The following NCAM1 variants were observed in gnomAD, a reference collection of about 807,000 sequenced individuals.
NCAM1 encodes the protein neural cell adhesion molecule 1.
Under a neutral mutation model 109.8 loss-of-function variants are expected in NCAM1, and 14 were observed. That is an observed-to-expected ratio of 0.13 (90% CI 0.08 to 0.20). NCAM1 has a LOEUF of 0.20. Ranked by LOEUF, NCAM1 falls within the 10% of genes least tolerant of loss-of-function variation. The pLI, the probability that NCAM1 is intolerant of heterozygous loss-of-function variation, is 1.00. For synonymous variants in NCAM1, 418 were observed against 442.9 expected (o/e 0.94, Z 0.70); for missense variants, 774 against 1,109.9 (o/e 0.70, Z 4.30).
chr11:112,967,487 G>A (rs1205268475), intron 1 of NCAM1, among the ~76,000 whole-genome samples: 1 of 152,160 alleles, frequency 6.6e-6, no homozygotes, highest in African/African-American at 2.4e-5. Context: ...CTTACTAGCT[G>A]TCTGATCTCA....
chr11:113,198,291 T>C (rs1555111213), intron 1 of NCAM1, among the ~76,000 whole-genome samples: 1 of 152,194 alleles, frequency 6.6e-6, no homozygotes, highest in East Asian at 1.9e-4. Context: ...AAATAGAGGC[T>C]ATAATGCTGT....
chr11:113,206,819 A>G (rs1821693), intron 5 of NCAM1, among the ~76,000 whole-genome samples: 75,234 of 152,064 alleles, frequency 0.49, 19,675 homozygotes, highest in East Asian at 0.73. Flanking sequence ...ACTCTTTGTT[A>G]TAGCTGATGC....
chr11:113,176,592 G>A (rs1267522297), intron 1 of NCAM1, among the ~76,000 whole-genome samples: 1 of 152,186 alleles, frequency 6.6e-6, no homozygotes, highest in African/African-American at 2.4e-5. Flanking sequence ...ACACCCACTA[G>A]CCTGGGAAGA....
chr11:113,203,872 TCAGTAGACTCAGAC>T (rs1166882572), intron 2 of NCAM1, among the ~76,000 whole-genome samples: 10 of 152,332 alleles, frequency 6.6e-5, no homozygotes, highest in African/African-American at 2.4e-4. Context: ...AACAAGCTGA[TCAGTAGACTCAGAC>T]CAGTTAGGCT....
At chr11:113,123,289 A>G (rs1034667523) in intron 1 of NCAM1, among the ~76,000 whole-genome samples, 1 of 152,232 alleles carries the variant, frequency 6.6e-6, no homozygotes, top group Non-Finnish European at 1.5e-5. Flanking sequence ...ATCATTACAT[A>G]TTGTATGTAT....
At position 113,163,971 on chromosome 11, in the gene NCAM1, C is replaced by T. The variant is rs543289179; in HGVS notation, c.53-38408C>T. On this transcript the variant is annotated intron_variant, in intron 1 of 19. Transcript: ENST00000316851. Reference sequence around the variant, plus strand: ...ACAACTGTAGGACCCTACCCACTGGCATGTTCCCAGATGGCCACTGAATGG... The same window carrying T: ...ACAACTGTAGGACCCTACCCACTGGTATGTTCCCAGATGGCCACTGAATGG... 2.0e-5 allele frequency among the ~76,000 whole-genome samples: 3 copies of T among 152,270 alleles called. No individual in the cohort carries two copies. In the East Asian group the frequency reaches 5.8e-4, roughly 29 times the overall value.
At chr11:113,243,668 G>T (rs961731429) in intron 14 of NCAM1, 2 of 504,646 alleles carry the variant, frequency 4.0e-6, no homozygotes, top group Admixed American at 2.0e-5. Flanking sequence ...ATGAGTATGC[G>T]TGCATGTTCA....
intron 15 of NCAM1, among the ~76,000 whole-genome samples, chr11:113,253,458 T>A (rs188209004): frequency 3.9e-4 from 59 of 152,204 alleles, no homozygotes; most frequent in South Asian, 2.7e-3. Flanking sequence ...CTGTTTCACA[T>A]GACAACAGAG....
chr11:113,210,074 G>A (rs1170116334), intron 7 of NCAM1, among the ~76,000 whole-genome samples: 2 of 152,170 alleles, frequency 1.3e-5, no homozygotes, highest in Non-Finnish European at 2.9e-5. Context: ...TTGAATAAAT[G>A]AAGGAACTGT....
intron 1 of NCAM1, among the ~76,000 whole-genome samples, chr11:113,158,189 T>G (rs1435238447): frequency 6.6e-6 from 1 of 152,204 alleles, no homozygotes; most frequent in East Asian, 1.9e-4. Context: ...TTGGTAGATA[T>G]GAGTTTCCAA....
intron 1 of NCAM1, among the ~76,000 whole-genome samples, chr11:113,056,022 TATAA>T (rs1223373116): frequency 1.9e-4 from 22 of 114,562 alleles, no homozygotes; most frequent in Non-Finnish European, 2.9e-4. Flanking sequence ...TATATATATA[TATAA>T]AATATATATA....
chr11:113,087,732 A>C (rs138686024), intron 1 of NCAM1, among the ~76,000 whole-genome samples: 2 of 152,282 alleles, frequency 1.3e-5, no homozygotes, highest in African/African-American at 4.8e-5. Context: ...AGTTCTCTCT[A>C]TTAGCATCAT....
intron 9 of NCAM1, among the ~76,000 whole-genome samples, chr11:113,226,646 C>T (rs181156224): frequency 6.0e-4 from 92 of 152,308 alleles, no homozygotes; most frequent in Admixed American, 1.8e-3. Context: ...AGCACCACAC[C>T]GCACTTGTTC....
rs144818038 is a variant in NCAM1, at chr11:113,091,261, T to C, written c.53-111118T>C. Among the ~76,000 whole-genome samples, 27 of 152,020 alleles carry C rather than the reference T, an allele frequency of 1.8e-4. No individual in the cohort carries two copies. In the East Asian group the frequency reaches 4.8e-3, roughly 27 times the overall value. On this transcript the variant is annotated intron_variant, in intron 1 of 19. Coordinates refer to ENST00000316851, the MANE Select transcript of NCAM1 (RefSeq NM_181351.5). ...GAAATCTGTTTACCCTAAAATATTT[T>C]TATCATACCCTGCTGCCTCCCAGCT...
intron 17 of NCAM1, chr11:113,269,889 T>A: frequency 2.2e-6 from 1 of 458,240 alleles, no homozygotes; most frequent in East Asian, 4.1e-5. Flanking sequence ...CATTATCCGG[T>A]GTTCTCAGAC....
chr11:113,126,783 CACAG>C (rs1244348927), intron 1 of NCAM1, among the ~76,000 whole-genome samples: 3 of 152,224 alleles, frequency 2.0e-5, no homozygotes, highest in Non-Finnish European at 4.4e-5. Flanking sequence ...TTGCCCACAA[CACAG>C]ACAGAGAATA....
At position 113,185,079 on chromosome 11, in the gene NCAM1, TAGAGAGAG is replaced by T. The variant is rs782462491; in HGVS notation, c.53-17272_53-17265del. 4.7e-4 allele frequency among the ~76,000 whole-genome samples: 59 copies of T among 125,750 alleles called. 1 individual carries two copies. Among genetic ancestry groups the T allele is most frequent in the South Asian group, 2.1e-3 (9 of 4,246 alleles). The allele number at this position is 125,750 out of a possible 152,430, so 82.5% of individuals were successfully genotyped here. ...GTGTGCATTTATATTTATATATATA[TAGAGAGAG>T]AGAGAGAGAGAGAGAGAGAGAGAGA... On this transcript the variant is annotated intron_variant, in intron 1 of 19. Transcript: ENST00000316851.
chr11:113,175,962 G>A (rs1407268228), intron 1 of NCAM1, among the ~76,000 whole-genome samples: 1 of 152,132 alleles, frequency 6.6e-6, no homozygotes, highest in African/African-American at 2.4e-5. Flanking sequence ...TTATGTGAAT[G>A]TATGAAATCA....
At chr11:113,017,137 C>T (rs1952226865) in intron 1 of NCAM1, among the ~76,000 whole-genome samples, 1 of 152,148 alleles carries the variant, frequency 6.6e-6, no homozygotes, top group Admixed American at 6.5e-5. Flanking sequence ...TCAGCAGTTT[C>T]CATGAGGTAG....
Sources: gnomAD v4.1 joint callset for allele counts (sites outside exome capture counted in the v4.1 genomes callset) on GRCh38, gnomAD v4.1.1 for gene constraint, MANE v1.5 for transcripts, NCBI Gene and HGNC (gene_info 2026-07-23, HGNC 2026-07-21) for gene names.